The following CNTN1 variants were observed in gnomAD, a reference collection of about 807,000 sequenced individuals.
CNTN1 encodes contactin 1, also known as contactin-1.
CNTN1 carries 38 observed loss-of-function variants against 126.4 expected under a neutral mutation model. That is an observed-to-expected ratio of 0.30 (90% CI 0.23 to 0.39). The LOEUF is 0.39. Ranked by LOEUF, CNTN1 falls within the 10% of genes least tolerant of loss-of-function variation. The probability of loss-of-function intolerance (pLI) is 1.00; values close to 1 mark genes in which losing one functional copy is unlikely to be tolerated. For missense variants in CNTN1, 1,009 were observed against 1,248.4 expected, an observed-to-expected ratio of 0.81 and a Z score of 2.89; for synonymous variants, 413 against 422.6, an observed-to-expected ratio of 0.98 and a Z score of 0.28.
At chr12:40,822,216 A>C (rs1025613863) in intron 1 of CNTN1, among the ~76,000 whole-genome samples, 1 of 126,070 alleles carries the variant, frequency 7.9e-6, no homozygotes, top group South Asian at 2.5e-4. Context: ...GTGCAATGGC[A>C]TGATCTCAGC....
chr12:40,736,802 A>G (rs1480224133), intron 1 of CNTN1, among the ~76,000 whole-genome samples: 2 of 152,124 alleles, frequency 1.3e-5, no homozygotes, highest in East Asian at 1.9e-4. Context: ...AATCAACCCA[A>G]TAACTGGGTC....
intron 1 of CNTN1, among the ~76,000 whole-genome samples, chr12:40,847,538 G>T (rs543479515): frequency 7.9e-5 from 12 of 152,054 alleles, no homozygotes; most frequent in African/African-American, 2.9e-4. Flanking sequence ...ATTCACTAAT[G>T]GTTGCTCTTA....
chr12:40,887,218 T>C (rs1944069641), intron 1 of CNTN1, among the ~76,000 whole-genome samples: 1 of 152,216 alleles, frequency 6.6e-6, no homozygotes, highest in African/African-American at 2.4e-5. Context: ...TGTTCTTCCA[T>C]TTGTTTGTAT....
At chr12:40,930,374 C>G (rs935589054) in intron 7 of CNTN1, among the ~76,000 whole-genome samples, 2 of 151,914 alleles carry the variant, frequency 1.3e-5, no homozygotes, top group African/African-American at 4.8e-5. Context: ...ATTGGTAGAT[C>G]AAAACAAACA....
chr12:40,775,053 A>C (rs1284599508), intron 1 of CNTN1, among the ~76,000 whole-genome samples: 1 of 151,338 alleles, frequency 6.6e-6, no homozygotes, highest in Admixed American at 6.6e-5. Flanking sequence ...ATTATTGTTA[A>C]TTTTGGTCAC....
intron 23 of CNTN1, among the ~76,000 whole-genome samples, chr12:41,032,759 G>C (rs1206747740): frequency 6.6e-6 from 1 of 152,170 alleles, no homozygotes; most frequent in Non-Finnish European, 1.5e-5. Flanking sequence ...TAGTAACCAT[G>C]TAAAATTATC....
intron 23 of CNTN1, among the ~76,000 whole-genome samples, chr12:41,041,866 G>C (rs1197889741): frequency 6.6e-6 from 1 of 151,964 alleles, no homozygotes; most frequent in Non-Finnish European, 1.5e-5. Flanking sequence ...CAAAAAACTA[G>C]CTCCTGGGGG....
chr12:41,013,601 A>G (rs278899), intron 17 of CNTN1, among the ~76,000 whole-genome samples: 39,659 of 151,940 alleles, frequency 0.26, 5,584 homozygotes, highest in African/African-American at 0.37. Flanking sequence ...GTGATGGCTT[A>G]GGGATTAAGA....
intron 1 of CNTN1, among the ~76,000 whole-genome samples, chr12:40,815,132 A>G (rs59192420): frequency 0.023 from 3,459 of 152,122 alleles, 126 homozygotes; most frequent in African/African-American, 0.078. Context: ...TGGCTATTTG[A>G]GGTCTTCTTA....
intron 15 of CNTN1, among the ~76,000 whole-genome samples, chr12:40,969,121 C>G (rs762550424): frequency 2.6e-5 from 4 of 152,116 alleles, no homozygotes; most frequent in Non-Finnish European, 5.9e-5. Context: ...CGTAAAATCC[C>G]TTTCGAGCAG....
intron 1 of CNTN1, among the ~76,000 whole-genome samples, chr12:40,873,223 A>G (rs940599456): frequency 2.1e-4 from 32 of 152,236 alleles, no homozygotes; most frequent in African/African-American, 7.5e-4. Context: ...TAAGATATAC[A>G]AATTATTTTA....
intron 12 of CNTN1, among the ~76,000 whole-genome samples, chr12:40,940,922 G>T (rs568199026): frequency 6.6e-6 from 1 of 152,160 alleles, no homozygotes; most frequent in Non-Finnish European, 1.5e-5. Flanking sequence ...ATGTGTAGGT[G>T]CTTACTCCTT....
At chr12:40,728,240 G>A (rs981650233) in intron 1 of CNTN1, among the ~76,000 whole-genome samples, 6 of 152,104 alleles carry the variant, frequency 3.9e-5, no homozygotes, top group African/African-American at 1.4e-4. Context: ...CCAGAGGCAG[G>A]CAGTTTAGAT....
intron 15 of CNTN1, 141 bp from the exon 16 acceptor site, chr12:40,980,768 T>C (rs936034869): frequency 3.9e-6 from 3 of 768,428 alleles, no homozygotes; most frequent in Non-Finnish European, 6.5e-6. Flanking sequence ...TTATAATCTA[T>C]ATTTAAAAGA....
chr12:40,810,937 A>G (rs111396127), intron 1 of CNTN1, among the ~76,000 whole-genome samples: 1 of 152,190 alleles, frequency 6.6e-6, no homozygotes, highest in Admixed American at 6.5e-5. Flanking sequence ...CAGAAGTTTG[A>G]GGTTACAATC....
At chr12:40,791,224 T>C (rs1483475471) in intron 1 of CNTN1, among the ~76,000 whole-genome samples, 3 of 152,174 alleles carry the variant, frequency 2.0e-5, no homozygotes, top group African/African-American at 7.2e-5. Flanking sequence ...GACTCACTTT[T>C]AACATGGCAT....
At chr12:40,940,148 G>A (rs1227598400) in intron 12 of CNTN1, among the ~76,000 whole-genome samples, 3 of 152,062 alleles carry the variant, frequency 2.0e-5, no homozygotes, top group Non-Finnish European at 4.4e-5. Context: ...GATGGGAAAT[G>A]GGAGGGATGG....
chr12:41,022,437 A>G (rs891013379), intron 20 of CNTN1, among the ~76,000 whole-genome samples: 4 of 152,226 alleles, frequency 2.6e-5, no homozygotes, highest in African/African-American at 9.6e-5. Flanking sequence ...TCACTTAAGA[A>G]TTTTGTAGAA....
At chr12:40,934,312 A>G (rs1201348673) in intron 9 of CNTN1, among the ~76,000 whole-genome samples, 1 of 151,870 alleles carries the variant, frequency 6.6e-6, no homozygotes, top group Non-Finnish European at 1.5e-5. Context: ...AACTCTCAGA[A>G]TTTTTCATTC....
Sources: allele counts gnomAD v4.1 joint callset (sites outside exome capture counted in the v4.1 genomes callset), GRCh38; gene constraint gnomAD v4.1.1; transcripts MANE v1.5; gene names NCBI Gene and HGNC (gene_info 2026-07-23, HGNC 2026-07-21).